MXRA7: variants seen among roughly 807,000 people sequenced by gnomAD.
MXRA7 encodes the protein matrix remodeling associated 7.
In MXRA7, 18 loss-of-function variants were observed where a neutral mutation model predicts 17.4. That is an observed-to-expected ratio of 1.03 (90% CI 0.71 to 1.53). MXRA7 has a LOEUF of 1.53. Among genes scored for constraint, MXRA7 ranks in the 40% most tolerant of loss-of-function variants. The pLI, the probability that MXRA7 is intolerant of heterozygous loss-of-function variation, is 0.00. For synonymous variants in MXRA7, 70 were observed against 101.7 expected, an observed-to-expected ratio of 0.69 and a Z score of 1.87; for missense variants, 141 against 209.3, an observed-to-expected ratio of 0.67 and a Z score of 2.01.
chr17:76,691,760 C>T (rs1050792569), intron 1 of MXRA7, among the ~76,000 whole-genome samples: 12 of 152,276 alleles, frequency 7.9e-5, no homozygotes, highest in African/African-American at 2.6e-4. Flanking sequence ...TCTTTAATGA[C>T]AGGCAAACAG....
At chr17:76,700,355 T>C (rs762590527) in intron 1 of MXRA7, among the ~76,000 whole-genome samples, 54 of 152,252 alleles carry the variant, frequency 3.5e-4, no homozygotes, top group Non-Finnish European at 7.1e-4. Context: ...TGATGGAAAC[T>C]TGGATGAACT....
chr17:76,708,461 C>A (rs2076685771), intron 1 of MXRA7, among the ~76,000 whole-genome samples: 1 of 152,184 alleles, frequency 6.6e-6, no homozygotes, highest in South Asian at 2.1e-4. Flanking sequence ...CACTTCCCAA[C>A]CCTGATTTGA....
At chr17:76,695,407 C>A (rs2076523627) in intron 1 of MXRA7, among the ~76,000 whole-genome samples, 1 of 150,722 alleles carries the variant, frequency 6.6e-6, no homozygotes, top group Non-Finnish European at 1.5e-5. Context: ...TAAAGCAAAA[C>A]CTTGTGCGAA....
At chr17:76,691,960 C>T (rs1167481320) in intron 1 of MXRA7, among the ~76,000 whole-genome samples, 2 of 152,098 alleles carry the variant, frequency 1.3e-5, no homozygotes, top group Admixed American at 6.5e-5. Flanking sequence ...CACTCCAGGG[C>T]GAGGAGTCCA....
intron 3 of MXRA7, among the ~76,000 whole-genome samples, chr17:76,682,062 GC>G (rs1378984596): frequency 1.3e-5 from 2 of 152,218 alleles, no homozygotes; most frequent in African/African-American, 4.8e-5. Context: ...CCGCTTTCTG[GC>G]CCCAGGCGGA....
At chr17:76,709,940 C>T (rs1348279034) in intron 1 of MXRA7, 1 of 153,100 alleles carries the variant, frequency 6.5e-6, no homozygotes, top group East Asian at 1.9e-4. Context: ...CCTGCATCTT[C>T]ACTCCATCCA....
At chr17:76,682,416 T>C (rs1260994059) in intron 3 of MXRA7, among the ~76,000 whole-genome samples, 1 of 152,130 alleles carries the variant, frequency 6.6e-6, no homozygotes, top group Non-Finnish European at 1.5e-5. Flanking sequence ...GTGGTTTTAG[T>C]GGTTTGATAA....
At chr17:76,696,269 C>T (rs1435946028) in intron 1 of MXRA7, among the ~76,000 whole-genome samples, 3 of 152,098 alleles carry the variant, frequency 2.0e-5, no homozygotes, top group Admixed American at 6.6e-5. Context: ...CCTGTAATGC[C>T]AGTACTTTGG....
At chr17:76,705,051 A>G (rs1261926306) in intron 1 of MXRA7, among the ~76,000 whole-genome samples, 1 of 152,132 alleles carries the variant, frequency 6.6e-6, no homozygotes, top group Non-Finnish European at 1.5e-5. Flanking sequence ...CGGGGCTACA[A>G]AAAGGAAACT....
chr17:76,707,353 G>A (rs1306211309), intron 1 of MXRA7, among the ~76,000 whole-genome samples: 1 of 136,696 alleles, frequency 7.3e-6, no homozygotes, highest in East Asian at 2.4e-4. Flanking sequence ...TGCCCAGGCT[G>A]AAGTGCAGTG....
At chr17:76,688,089 CAT>C in intron 2 of MXRA7, 22 bp downstream of exon 2, 1 of 1,612,016 alleles carries the variant, frequency 6.2e-7, no homozygotes, top group South Asian at 1.1e-5. Context: ...CAGGCCCCCT[CAT>C]GAGCGCAGAG....
At position 76,694,770 on chromosome 17, in the gene MXRA7, T is replaced by C. The variant is rs551129118; in HGVS notation, c.343-6594A>G. On this transcript the variant is annotated intron_variant, in intron 1 of 3. Coordinates refer to ENST00000449428, the MANE Select transcript of MXRA7 (RefSeq NM_198530.4). ...TTGGCTAATTTGTGTATTTTTGGTA[T>C]AGATGAGGTTTTGCCATGTTGCCCA... Among the ~76,000 whole-genome samples, 51 of 152,222 alleles carry C rather than the reference T, an allele frequency of 3.4e-4. No homozygotes were observed. The South Asian group carries it at 8.5e-3, about 25-fold the overall frequency.
intron 2 of MXRA7, 114 bp downstream of exon 2, chr17:76,687,999 T>TCCCCCCCCCCCCC: frequency 1.2e-6 from 1 of 801,728 alleles, no homozygotes; most frequent in East Asian, 2.8e-5. Flanking sequence ...CAGGCCACTG[T>TCCCCCCCCCCCCC]CCCACCCCAT....
intron 1 of MXRA7, among the ~76,000 whole-genome samples, chr17:76,697,139 G>A (rs1210694499): frequency 6.6e-6 from 1 of 152,130 alleles, no homozygotes; most frequent in Non-Finnish European, 1.5e-5. Context: ...CTTTAAAGAG[G>A]TGATTAAGTT....
intron 3 of MXRA7, among the ~76,000 whole-genome samples, chr17:76,684,208 C>CA (rs948025872): frequency 2.6e-5 from 4 of 152,182 alleles, no homozygotes; most frequent in African/African-American, 9.7e-5. Context: ...GTTCTGATTC[C>CA]AAAATCATAA....
chr17:76,687,997 T>C lies in MXRA7; in HGVS notation c.406+116A>G, dbSNP rs994024688. Reference sequence around the variant, plus strand: ...ACCTCTCATGCCCCACTCAGGCCACTGTCCCACCCCATCCCTCCCCTCGGC... The same window carrying C: ...ACCTCTCATGCCCCACTCAGGCCACCGTCCCACCCCATCCCTCCCCTCGGC... On this transcript the variant is annotated intron_variant, in intron 2 of 3. Coordinates refer to ENST00000449428, the MANE Select transcript of MXRA7 (RefSeq NM_198530.4). 4.1e-6 allele frequency: 4 copies of C among 969,828 alleles called. No individual in the cohort carries two copies. In the African/African-American group the frequency reaches 4.8e-5, roughly 12 times the overall value. The allele number at this position is 969,828 out of a possible 1,614,324, so 60.1% of individuals were successfully genotyped here.
chr17:76,680,633 G>T lies in MXRA7; in HGVS notation c.*234C>A. The T allele has an allele frequency of 7.6e-7, 1 of 1,312,896 alleles. No individual in the cohort carries two copies. The highest frequency in any genetic ancestry group is 9.7e-7 in the Non-Finnish European group (1 of 1,027,582). 81.3% of individuals were successfully genotyped at this position (1,312,896 alleles called of 1,614,324 possible). The stretch of plus-strand genomic sequence containing the variant: ...TTAAAACTCTTCAGCTTAACAAAGT[G>T]ACCCACAGGAACAGACATGAACATC... On this transcript the variant is annotated 3_prime_UTR_variant, in exon 4 of 4. Coordinates refer to ENST00000449428, the MANE Select transcript of MXRA7 (RefSeq NM_198530.4).
At chr17:76,683,348 G>A (rs2076334974) in intron 3 of MXRA7, among the ~76,000 whole-genome samples, 1 of 152,230 alleles carries the variant, frequency 6.6e-6, no homozygotes, top group Non-Finnish European at 1.5e-5. Context: ...GGCACAGGCA[G>A]GTGGGGGATC....
chr17:76,701,079 G>C (rs2076585984), intron 1 of MXRA7, among the ~76,000 whole-genome samples: 1 of 152,128 alleles, frequency 6.6e-6, no homozygotes, highest in African/African-American at 2.4e-5. Flanking sequence ...GGAGGGCTGT[G>C]AGCAGGGGCC....
Sources: gnomAD v4.1 joint callset for allele counts (sites outside exome capture counted in the v4.1 genomes callset) on GRCh38, gnomAD v4.1.1 for gene constraint, MANE v1.5 for transcripts, NCBI Gene and HGNC (gene_info 2026-07-23, HGNC 2026-07-21) for gene names.